SFMBT2: variants seen among roughly 807,000 people sequenced by gnomAD.
SFMBT2 encodes scm-like with four MBT domains protein 2.
Under a neutral mutation model 110.1 loss-of-function variants are expected in SFMBT2, and 38 were observed. The observed-to-expected ratio is 0.35, with a 90% confidence interval of 0.27 to 0.45. The LOEUF (loss-of-function observed/expected upper bound fraction) is 0.45. Ranked by LOEUF, SFMBT2 falls within the 20% of genes least tolerant of loss-of-function variation. The pLI is 1.00. For synonymous variants in SFMBT2, 425 were observed against 425.4 expected (o/e 1.00, Z 0.01); for missense variants, 1,011 against 1,094.9 (o/e 0.92, Z 1.08).
intron 16 of SFMBT2, among the ~76,000 whole-genome samples, chr10:7,186,582 T>C (rs1838419466): frequency 6.6e-6 from 1 of 151,952 alleles, no homozygotes. Flanking sequence ...AGTGCAGGGA[T>C]TACAGTCATG....
intron 16 of SFMBT2, among the ~76,000 whole-genome samples, chr10:7,180,548 C>T (rs1298828927): frequency 1.3e-5 from 2 of 152,144 alleles, no homozygotes; most frequent in East Asian, 1.9e-4. Flanking sequence ...CAACTCCGGA[C>T]AGCCATGAAG....
intron 11 of SFMBT2, among the ~76,000 whole-genome samples, chr10:7,208,809 G>A (rs796423155): frequency 4.0e-5 from 6 of 151,884 alleles, no homozygotes; most frequent in Non-Finnish European, 2.9e-5. Flanking sequence ...TAATACATAC[G>A]CTTCAGTACA....
At chr10:7,268,070 T>C (rs1413513306) in intron 7 of SFMBT2, among the ~76,000 whole-genome samples, 1 of 152,234 alleles carries the variant, frequency 6.6e-6, no homozygotes. Context: ...ATCTCAGATA[T>C]GGAATACGAT....
chr10:7,387,351 T>G (rs749664000), intron 1 of SFMBT2, among the ~76,000 whole-genome samples: 1 of 152,212 alleles, frequency 6.6e-6, no homozygotes, highest in Non-Finnish European at 1.5e-5. Flanking sequence ...ATGGAACATC[T>G]GATTTATTTA....
upstream of SFMBT2, among the ~76,000 whole-genome samples, chr10:7,411,174 T>C (rs1846370988): frequency 6.7e-6 from 1 of 149,790 alleles, no homozygotes; most frequent in African/African-American, 2.5e-5. Flanking sequence ...CTTGCAAAAT[T>C]TCTTAAGCCA....
chr10:7,248,712 C>T, intron 7 of SFMBT2, 63 bp from the exon 8 acceptor site: 6 of 1,447,824 alleles, frequency 4.1e-6, no homozygotes, highest in African/African-American at 1.4e-5. Context: ...AGCCACTGTC[C>T]GGATGCGCTC....
intron 2 of SFMBT2, among the ~76,000 whole-genome samples, chr10:7,372,145 C>T (rs185907981): frequency 1.9e-4 from 29 of 151,976 alleles, no homozygotes; most frequent in South Asian, 8.3e-4. Flanking sequence ...CTCGAATTCC[C>T]GACCTCAGGT....
intron 2 of SFMBT2, among the ~76,000 whole-genome samples, chr10:7,376,839 CG>C (rs1204968179): frequency 1.0e-5 from 1 of 95,872 alleles, no homozygotes; most frequent in Admixed American, 1.3e-4. Flanking sequence ...CATAGCATCT[CG>C]GGGTGGACAG....
chr10:7,309,479 G>C lies in SFMBT2; in HGVS notation c.437-23525C>G, dbSNP rs183182888. Among the ~76,000 whole-genome samples, 16 of 152,318 alleles carry C rather than the reference G, an allele frequency of 1.1e-4. 1 individual carries two copies. In the East Asian group the frequency reaches 3.1e-3, roughly 29 times the overall value. On this transcript the variant is annotated intron_variant, in intron 4 of 20. Transcript: ENST00000397167. ...CCTATCTCCAGCTGAATGCAGAGGA[G>C]GACGAGGCCTGACAAAGATGGCAGG...
intron 10 of SFMBT2, among the ~76,000 whole-genome samples, chr10:7,225,635 TA>T (rs1409469878): frequency 6.6e-6 from 1 of 152,084 alleles, no homozygotes; most frequent in African/African-American, 2.4e-5. Flanking sequence ...TGATTTACTC[TA>T]CCATTCAAAG....
Position 7,367,985 on chromosome 10 carries a change from C to T in SFMBT2, c.196-96G>A. On this transcript the variant is annotated intron_variant, in intron 3 of 20. Coordinates refer to ENST00000397167, the MANE Select transcript of SFMBT2 (RefSeq NM_001387889.1). The surrounding 1 kb of genome is among the most constrained non-coding windows in gnomAD (Gnocchi z 6.2). ...CACTAAAAAATATGGCACTTACAAA[C>T]AATATTCCTGTTGCTCTAAAACAGG... 6.7e-7 allele frequency: 1 copy of T among 1,485,888 alleles called. No homozygotes were observed. The highest frequency in any genetic ancestry group is 9.0e-7 in the Non-Finnish European group (1 of 1,107,618). 92.0% of individuals were successfully genotyped at this position (1,485,888 alleles called of 1,614,324 possible).
Position 7,161,512 on chromosome 10 carries a change from T to C in SFMBT2, c.*2258A>G, listed in dbSNP as rs1196498378. 6.6e-6 allele frequency: 1 copy of C among 152,188 alleles called. No individual in the cohort carries two copies. The highest frequency in any genetic ancestry group is 1.9e-4 in the East Asian group (1 of 5,192). The allele number at this position is 152,188 out of a possible 1,614,324, so 9.4% of individuals were successfully genotyped here. A position where few individuals can be genotyped will look rare whatever the true frequency, so the allele number is the denominator to read the frequency against. ...CTGAGCGTTTAAGGCCAAAAGCATG[T>C]GGCTGAGAAGGCAGGGGTGGAAAAC... On this transcript the variant is annotated 3_prime_UTR_variant, in exon 21 of 21. Transcript: ENST00000397167.
rs149265124 is a variant in SFMBT2, at chr10:7,220,484, G to C, written c.1257C>G (p.Pro419=). 117 of 1,613,962 alleles carry C rather than the reference G, an allele frequency of 7.2e-5. No individual in the cohort carries two copies. Among genetic ancestry groups the C allele is most frequent in the Non-Finnish European group, 9.2e-5 (108 of 1,179,968 alleles). The change falls in exon 11 of 21, where the codon CCC becomes CCG. Residue 419 remains proline, a synonymous_variant. Transcript: ENST00000397167. ...TKNMKLEAVN[P]RNPGELCVAS... is the part of the protein sequence containing the mutation. ...CCACACACAGTTCTCCTGGATTCCT[G>C]GGGTTCACAGCTTCAAGTTTCATGT...
chr10:7,227,083 C>CA (rs1194159420), intron 10 of SFMBT2, among the ~76,000 whole-genome samples: 2 of 152,124 alleles, frequency 1.3e-5, no homozygotes, highest in Non-Finnish European at 2.9e-5. Context: ...TTATGTGTCA[C>CA]AAAAATCCTA....
At position 7,381,956 on chromosome 10, in the gene SFMBT2, G is replaced by T; in HGVS notation, c.-51-7C>A. 1.4e-6 allele frequency: 2 copies of T among 1,411,554 alleles called. No homozygotes were observed. The highest frequency in any genetic ancestry group is 1.5e-5 in the South Asian group (1 of 64,952). 87.4% of individuals were successfully genotyped at this position (1,411,554 alleles called of 1,614,324 possible). A position where few individuals can be genotyped will look rare whatever the true frequency, so the allele number is the denominator to read the frequency against. Reference sequence around the variant, plus strand: ...ATCCTGCAGAAAAAATTACCTAAGAGCAATCAAAAAAAAAAAAATCAGAGC... The same window carrying T: ...ATCCTGCAGAAAAAATTACCTAAGATCAATCAAAAAAAAAAAAATCAGAGC... On this transcript the variant is annotated splice_region_variant and splice_polypyrimidine_tract_variant and intron_variant, in intron 1 of 20. Coordinates refer to ENST00000397167, the MANE Select transcript of SFMBT2 (RefSeq NM_001387889.1).
rs80154999 is a variant in SFMBT2, at chr10:7,268,434, A to G, written c.870+8458T>C. On this transcript the variant is annotated intron_variant, in intron 7 of 20. Coordinates refer to ENST00000397167, the MANE Select transcript of SFMBT2 (RefSeq NM_001387889.1). Reference sequence around the variant, plus strand: ...GTTTTGCTTGAGTGGACATTGGGATATGTCATAAGTTAATCAAATGATGGT... The same window carrying G: ...GTTTTGCTTGAGTGGACATTGGGATGTGTCATAAGTTAATCAAATGATGGT... 8.6e-3 allele frequency among the ~76,000 whole-genome samples: 1,314 copies of G among 152,338 alleles called. 21 individuals carry two copies. The highest frequency in any genetic ancestry group is 0.03 in the African/African-American group (1,267 of 41,574).
At chr10:7,323,021 T>C (rs895901012) in intron 4 of SFMBT2, among the ~76,000 whole-genome samples, 3 of 152,100 alleles carry the variant, frequency 2.0e-5, no homozygotes, top group African/African-American at 7.2e-5. Context: ...ATGTCTAACA[T>C]GAAGAAAACA....
intron 16 of SFMBT2, 21 bp from the exon 17 acceptor site, chr10:7,176,186 A>G (rs1476894407): frequency 1.2e-6 from 2 of 1,613,324 alleles, no homozygotes; most frequent in Non-Finnish European, 1.7e-6. Context: ...GGTGGGGAAG[A>G]AAAGCGAGGG....
chr10:7,318,597 C>A lies in SFMBT2; in HGVS notation c.437-32643G>T, dbSNP rs76273629. On this transcript the variant is annotated intron_variant, in intron 4 of 20. Coordinates refer to ENST00000397167, the MANE Select transcript of SFMBT2 (RefSeq NM_001387889.1). ...TAACACAGTGGCTCTGTTAAATATG[C>A]CTTGAGCCACAATATGACACATCAG... Among the ~76,000 whole-genome samples, 143 of 152,302 alleles carry A rather than the reference C, an allele frequency of 9.4e-4. 3 individuals are homozygous for A. The East Asian group carries it at 0.025, about 27-fold the overall frequency.
Sources: allele counts gnomAD v4.1 joint callset (sites outside exome capture counted in the v4.1 genomes callset), GRCh38; gene constraint gnomAD v4.1.1; non-coding constraint Gnocchi (gnomAD v3.1); transcripts MANE v1.5; gene names NCBI Gene and HGNC (gene_info 2026-07-23, HGNC 2026-07-21).